The following VRK1 variants were observed in gnomAD, a reference collection of about 807,000 sequenced individuals.
The protein encoded by VRK1 is VRK serine/threonine kinase 1.
VRK1 carries 33 observed loss-of-function variants against 57.1 expected under a neutral mutation model. The observed-to-expected ratio is 0.58, with a 90% CI of 0.44 to 0.77. VRK1 has a LOEUF of 0.77. Ranked by LOEUF, VRK1 falls within the 30% of genes least tolerant of loss-of-function variation. VRK1 has a pLI of 0.00. For missense variants in VRK1, 413 were observed against 477.3 expected (o/e 0.87, Z 1.25); for synonymous variants, 137 against 147.8 (o/e 0.93, Z 0.53).
At chr14:96,807,134 A>G (rs1325460597) in intron 1 of VRK1, among the ~76,000 whole-genome samples, 2 of 152,226 alleles carry the variant, frequency 1.3e-5, no homozygotes, top group Non-Finnish European at 2.9e-5. Flanking sequence ...GTTTAGTGGC[A>G]TCTCTGGCTA....
intron 12 of VRK1, among the ~76,000 whole-genome samples, chr14:96,876,660 C>T (rs141224099): frequency 1.2e-4 from 18 of 152,088 alleles, no homozygotes; most frequent in Non-Finnish European, 2.5e-4. Flanking sequence ...GGGTCTGTTG[C>T]AGCTGAGCTG....
chr14:96,841,584 G>A (rs373979137), intron 3 of VRK1, among the ~76,000 whole-genome samples: 11 of 152,078 alleles, frequency 7.2e-5, no homozygotes, highest in Non-Finnish European at 1.5e-4. Flanking sequence ...CTGACCAGGC[G>A]CGGTGGCTCA....
intron 1 of VRK1, among the ~76,000 whole-genome samples, chr14:96,823,526 T>C (rs1314408981): frequency 6.6e-6 from 1 of 152,220 alleles, no homozygotes; most frequent in Non-Finnish European, 1.5e-5. Context: ...GCAGGAATGA[T>C]TCTGTAGTCA....
intron 11 of VRK1, among the ~76,000 whole-genome samples, chr14:96,868,595 C>G (rs1218870539): frequency 6.6e-6 from 1 of 151,990 alleles, no homozygotes; most frequent in Admixed American, 6.6e-5. Context: ...TTTTTGATCT[C>G]TGTATATATA....
At chr14:96,878,516 C>T (rs1889126995) in intron 12 of VRK1, among the ~76,000 whole-genome samples, 1 of 152,142 alleles carries the variant, frequency 6.6e-6, no homozygotes, top group South Asian at 2.1e-4. Flanking sequence ...TTTCAGAATG[C>T]TGTGCCTAGC....
chr14:96,803,848 C>G (rs1885765417), intron 1 of VRK1, among the ~76,000 whole-genome samples: 1 of 152,030 alleles, frequency 6.6e-6, no homozygotes, highest in African/African-American at 2.4e-5. Context: ...TTTGTCTGTT[C>G]AAGTCTTTTA....
chr14:96,816,886 T>C (rs1368649104), intron 1 of VRK1, among the ~76,000 whole-genome samples: 1 of 152,206 alleles, frequency 6.6e-6, no homozygotes, highest in Non-Finnish European at 1.5e-5. Flanking sequence ...AGACATTCTT[T>C]GAGAAAACTG....
In VRK1 at chr14:96,820,910, A is replaced by G. The variant is rs114490275; in HGVS notation, c.-5-12557A>G. Among the ~76,000 whole-genome samples, 571 of 152,294 alleles carry G rather than the reference A, an allele frequency of 3.7e-3. 3 individuals are homozygous for G. Among genetic ancestry groups the G allele is most frequent in the African/African-American group, 0.013 (535 of 41,560 alleles). On this transcript the variant is annotated intron_variant, in intron 1 of 12. Transcript: ENST00000216639. The stretch of plus-strand genomic sequence containing the variant: ...CATTCACTGCAAAAGAGGTAACAGG[A>G]GTTTCATAGCTCTTGATATCTTAAA...
chr14:96,854,305 T>G (rs151189678), intron 7 of VRK1, among the ~76,000 whole-genome samples: 19 of 152,308 alleles, frequency 1.2e-4, no homozygotes, highest in African/African-American at 4.1e-4. Context: ...TATATCACTT[T>G]GTAGGTGACT....
intron 1 of VRK1, among the ~76,000 whole-genome samples, chr14:96,800,870 C>T (rs1885632291): frequency 6.6e-6 from 1 of 151,604 alleles, no homozygotes; most frequent in African/African-American, 2.4e-5. Context: ...AAATTGCAAG[C>T]ACAAGCAAAT....
At chr14:96,844,906 A>T (rs1887616958) in intron 3 of VRK1, among the ~76,000 whole-genome samples, 1 of 152,176 alleles carries the variant, frequency 6.6e-6, no homozygotes, top group Non-Finnish European at 1.5e-5. Context: ...ATCTGAGATA[A>T]TTAGAGCAGA....
At chr14:96,813,100 A>G (rs951676746) in intron 1 of VRK1, among the ~76,000 whole-genome samples, 3 of 152,246 alleles carry the variant, frequency 2.0e-5, no homozygotes, top group African/African-American at 7.2e-5. Flanking sequence ...AAGGTAAGAC[A>G]GGGTCCCTGA....
At chr14:96,866,734 A>T (rs1369504863) in intron 11 of VRK1, among the ~76,000 whole-genome samples, 1 of 152,094 alleles carries the variant, frequency 6.6e-6, no homozygotes, top group Non-Finnish European at 1.5e-5. Context: ...AAATTTCAGA[A>T]TGGTGTTTGC....
At chr14:96,875,890 G>A (rs1889008208) in intron 11 of VRK1, 140 bp from the exon 12 acceptor site, 2 of 880,214 alleles carry the variant, frequency 2.3e-6, no homozygotes, top group African/African-American at 1.7e-5. Context: ...CTATCCTGAA[G>A]TTGAGAATAT....
chr14:96,863,876 G>C (rs539864973), intron 11 of VRK1, among the ~76,000 whole-genome samples: 1 of 152,226 alleles, frequency 6.6e-6, no homozygotes, highest in East Asian at 1.9e-4. Flanking sequence ...CAAATCAGTA[G>C]CCTGCAGCTG....
chr14:96,800,087 G>A (rs1396755509), intron 1 of VRK1, among the ~76,000 whole-genome samples: 1 of 152,000 alleles, frequency 6.6e-6, no homozygotes, highest in Non-Finnish European at 1.5e-5. Flanking sequence ...ATTTAAAAGG[G>A]TGATAGAACC....
At chr14:96,815,388 G>C (rs901062719) in intron 1 of VRK1, among the ~76,000 whole-genome samples, 16 of 152,056 alleles carry the variant, frequency 1.1e-4, no homozygotes, top group Admixed American at 2.6e-4. Flanking sequence ...AAACAGGAAG[G>C]ATAACCCCAA....
chr14:96,840,699 C>T (rs1054249930), intron 3 of VRK1, among the ~76,000 whole-genome samples: 3 of 152,144 alleles, frequency 2.0e-5, no homozygotes, highest in Non-Finnish European at 4.4e-5. Context: ...CTCCTTCTGA[C>T]GTCTCATAAC....
chr14:96,876,995 A>AT (rs750229368), intron 12 of VRK1, among the ~76,000 whole-genome samples: 4 of 151,652 alleles, frequency 2.6e-5, no homozygotes, highest in Non-Finnish European at 5.9e-5. Flanking sequence ...ATGATGATGT[A>AT]CTTGACTCAA....
Sources: gnomAD v4.1 joint callset for allele counts (sites outside exome capture counted in the v4.1 genomes callset) on GRCh38, gnomAD v4.1.1 for gene constraint, MANE v1.5 for transcripts, NCBI Gene and HGNC (gene_info 2026-07-23, HGNC 2026-07-21) for gene names.